MOGAT3: variants seen among roughly 807,000 people sequenced by gnomAD.
The protein encoded by MOGAT3 is monoacylglycerol O-acyltransferase 3, also known as 2-acylglycerol O-acyltransferase 3.
In MOGAT3, 39 loss-of-function variants were observed where a neutral mutation model predicts 34.4. The observed-to-expected ratio is 1.13, with a 90% CI of 0.88 to 1.48. The LOEUF is 1.48. Ranked by LOEUF, MOGAT3 falls within the 40% of genes most tolerant of loss-of-function variation. The pLI is 0.00. For missense variants in MOGAT3, 439 were observed against 438.9 expected (o/e 1.00, Z 0.00); for synonymous variants, 209 against 179.2 (o/e 1.17, Z -1.33).
chr7:101,200,455 A>C lies in MOGAT3; in HGVS notation c.170T>G (p.Val57Gly), dbSNP rs1304950075. Reference sequence around the variant, plus strand: ...CACATAGAGCCACACCAAGTAAAAAACAGAGAAGGGCCAGAGTGACGTGAA... The same window carrying C: ...CACATAGAGCCACACCAAGTAAAAACCAGAGAAGGGCCAGAGTGACGTGAA... ...LLFTSLWPFSVFYLVWLYVDW... is the reference protein window; with the variant it reads ...LLFTSLWPFSGFYLVWLYVDW... Residue 57 changes from valine to glycine, a missense_variant, in exon 2 of 7, where the codon GTT (valine) becomes GGT (glycine). Val to Gly is a moderately radical substitution (Grantham distance 109). Coordinates refer to ENST00000223114, the MANE Select transcript of MOGAT3 (RefSeq NM_178176.4). The C allele has an allele frequency of 1.2e-6, 2 of 1,610,916 alleles. No homozygotes were observed.
chr7:101,197,286 C>T (rs1797816983), intron 5 of MOGAT3, among the ~76,000 whole-genome samples: 1 of 152,148 alleles, frequency 6.6e-6, no homozygotes, highest in Admixed American at 6.5e-5. Flanking sequence ...CCGCTCAAGC[C>T]ATCCTCCCAC....
chr7:101,198,794 A>C lies in MOGAT3; in HGVS notation c.325T>G (p.Tyr109Asp). 6.2e-7 allele frequency: 1 copy of C among 1,613,998 alleles called. No homozygotes were observed. Among genetic ancestry groups the C allele is most frequent in the Non-Finnish European group, 8.5e-7 (1 of 1,179,990 alleles). Residue 109 changes from tyrosine (Y) to aspartate (D), a missense_variant, in exon 4 of 7, where the codon TAC becomes GAC. Tyr to Asp is a radical substitution (Grantham distance 160). Coordinates refer to ENST00000223114, the MANE Select transcript of MOGAT3 (RefSeq NM_178176.4). ...KTAELPPDRN[Y>D]VLGAHPHGIM... ...CCATGAGGGTGGGCGCCCAGCACGT[A>C]GTTCCGATCCGGGGGCAGCTCTGCT... is the stretch of plus-strand genomic sequence containing the variant.
chr7:101,198,066 G>A, intron 5 of MOGAT3, 125 bp downstream of exon 5: 2 of 1,047,266 alleles, frequency 1.9e-6, no homozygotes, highest in East Asian at 2.9e-5. Flanking sequence ...CGTGGGCCTC[G>A]GTGCAGGGCA....
In MOGAT3 at chr7:101,195,935, C is replaced by A. The variant is rs559362771; in HGVS notation, c.*11G>T. On this transcript the variant is annotated 3_prime_UTR_variant, in exon 7 of 7. Coordinates refer to ENST00000223114, the MANE Select transcript of MOGAT3 (RefSeq NM_178176.4). ...TGGGCTCAGGGGCTCAGCGAAAGGC[C>A]GCGGCCAGGCCTAGATGAAGGTGAG... The A allele has an allele frequency of 6.2e-7, 1 of 1,613,922 alleles. No individual in the cohort carries two copies.
downstream of MOGAT3, among the ~76,000 whole-genome samples, chr7:101,193,470 C>T (rs1453871811): frequency 1.3e-5 from 2 of 152,184 alleles, no homozygotes; most frequent in African/African-American, 4.8e-5. Flanking sequence ...TACTCTGTCG[C>T]CCAGGCTGGA....
chr7:101,194,345 G>A (rs559629080), downstream of MOGAT3, among the ~76,000 whole-genome samples: 28 of 151,862 alleles, frequency 1.8e-4, no homozygotes, highest in African/African-American at 6.3e-4. Flanking sequence ...GCACCACCAC[G>A]CCCAGCTAAT....
intron 3 of MOGAT3, 48 bp from the exon 4 acceptor site, chr7:101,198,878 G>A (rs764189456): frequency 1.3e-6 from 2 of 1,564,958 alleles, no homozygotes; most frequent in Non-Finnish European, 1.8e-6. Context: ...GCAAGACACC[G>A]GCTGAAAAGA....
Position 101,198,756 on chromosome 7 carries a change from T to G in MOGAT3, c.363A>C (p.Thr121=), listed in dbSNP as rs1472202905. 1 of 1,613,704 alleles carries G rather than the reference T, an allele frequency of 6.2e-7. No homozygotes were observed. The highest frequency in any genetic ancestry group is 1.7e-5 in the Admixed American group (1 of 59,970). The change falls in exon 4 of 7, where the codon ACA becomes ACC. Residue 121 remains threonine, a synonymous_variant. Transcript: ENST00000223114. ...LGAHPHGIMC[T]GFLCNFSTES... is the part of the protein sequence containing the mutation. ...CGGTGGAGAAATTACAGAGGAAGCC[T>G]GTACACATGATCCCATGAGGGTGGG...
Position 101,195,808 on chromosome 7 carries a change from C to G in MOGAT3, c.*138G>C. The G allele has an allele frequency of 1.1e-6, 1 of 945,218 alleles. No individual in the cohort carries two copies. The highest frequency in any genetic ancestry group is 1.6e-5 in the South Asian group (1 of 63,298). The allele number at this position is 945,218 out of a possible 1,614,324, so 58.6% of individuals were successfully genotyped here. ...GCTCAAACGATCCTCCCACCTTGGCCTCCCAAAGTGCTGGGATTACAGGCA... is the reference window on the plus strand; with the variant it reads ...GCTCAAACGATCCTCCCACCTTGGCGTCCCAAAGTGCTGGGATTACAGGCA... On this transcript the variant is annotated 3_prime_UTR_variant, in exon 7 of 7. Transcript: ENST00000223114.
chr7:101,196,453 C>G (rs1023483468), intron 5 of MOGAT3, 64 bp from the exon 6 acceptor site: 13 of 1,236,078 alleles, frequency 1.1e-5, no homozygotes, highest in Non-Finnish European at 1.5e-5. Flanking sequence ...TGGGCACCCC[C>G]AGGGGCTACA....
chr7:101,194,498 C>CTTTTT (rs34849826), downstream of MOGAT3, among the ~76,000 whole-genome samples: 7 of 95,518 alleles, frequency 7.3e-5, no homozygotes, highest in South Asian at 3.6e-4. Context: ...AGGACATAAG[C>CTTTTT]TTTTTTTTTT....
chr7:101,198,546 TGGG>T, intron 4 of MOGAT3, 77 bp downstream of exon 4: 5 of 1,204,112 alleles, frequency 4.2e-6, no homozygotes, highest in South Asian at 1.4e-5. Context: ...GGACTTATTA[TGGG>T]GGGGGGTGGT....
chr7:101,197,176 A>G (rs1181412553), intron 5 of MOGAT3, among the ~76,000 whole-genome samples: 1 of 152,006 alleles, frequency 6.6e-6, no homozygotes, highest in Non-Finnish European at 1.5e-5. Flanking sequence ...ATTTTAAAAA[A>G]TAAATAATTT....
At position 101,195,889 on chromosome 7, in the gene MOGAT3, T is replaced by C; in HGVS notation, c.*57A>G. The C allele has an allele frequency of 6.4e-7, 1 of 1,564,912 alleles. No individual in the cohort carries two copies. Among genetic ancestry groups the C allele is most frequent in the Non-Finnish European group, 8.8e-7 (1 of 1,137,466 alleles). Reference sequence around the variant, plus strand: ...TTTATTGGAGGCATGGAGTCCACAGTGGGTGGAGGTCTCAGTGCCTTGGGC... The same window carrying C: ...TTTATTGGAGGCATGGAGTCCACAGCGGGTGGAGGTCTCAGTGCCTTGGGC... On this transcript the variant is annotated 3_prime_UTR_variant, in exon 7 of 7. Coordinates refer to ENST00000223114, the MANE Select transcript of MOGAT3 (RefSeq NM_178176.4).
At chr7:101,197,129 G>C (rs1204192335) in intron 5 of MOGAT3, among the ~76,000 whole-genome samples, 1 of 152,096 alleles carries the variant, frequency 6.6e-6, no homozygotes, top group Admixed American at 6.6e-5. Flanking sequence ...CTGGGTGACA[G>C]AGCAAGACTC....
chr7:101,199,210 A>T (rs968253999), intron 3 of MOGAT3, among the ~76,000 whole-genome samples: 17 of 151,522 alleles, frequency 1.1e-4, no homozygotes, highest in African/African-American at 4.1e-4. Flanking sequence ...GTTTCACCAT[A>T]TTGGCCAGGT....
chr7:101,196,011 G>C lies in MOGAT3; in HGVS notation c.961C>G (p.Gln321Glu). 1 of 1,614,156 alleles carries C rather than the reference G, an allele frequency of 6.2e-7. No homozygotes were observed. The highest frequency in any genetic ancestry group is 2.2e-5 in the East Asian group (1 of 44,876). ...YHALYMTALE[Q>E]LFEEHKESCG... ...CTTTCCTTGTGCTCCTCGAAGAGCT[G>C]CTCCAGGGCCGTCATGTAGAGGGCG... Residue 321 changes from glutamine (Q) to glutamate (E), a missense_variant, in exon 7 of 7, where the codon CAG becomes GAG. By Grantham distance (29) the Gln-to-Glu change is conservative. Coordinates refer to ENST00000223114, the MANE Select transcript of MOGAT3 (RefSeq NM_178176.4).
At position 101,198,294 on chromosome 7, in the gene MOGAT3, T is replaced by A. The variant is rs1299309217; in HGVS notation, c.565A>T (p.Ile189Phe). ...SQPQLGQAVV[I>F]MVGGAHEALY... ...GCCTCGTGCGCACCCCCCACCATGA[T>A]GACCACGGCCTGCCCGAGCTGGGGC... The change falls in exon 5 of 7, where the codon ATC becomes TTC. Residue 189 changes from isoleucine (I) to phenylalanine (F), a missense_variant. Transcript: ENST00000223114. The A allele has an allele frequency of 1.9e-6, 3 of 1,605,186 alleles. No individual in the cohort carries two copies. The highest frequency in any genetic ancestry group is 2.6e-6 in the Non-Finnish European group (3 of 1,175,226).
intron 5 of MOGAT3, among the ~76,000 whole-genome samples, chr7:101,197,224 C>T (rs1797815315): frequency 6.6e-6 from 1 of 152,052 alleles, no homozygotes; most frequent in Non-Finnish European, 1.5e-5. Context: ...GCTCTCTTGC[C>T]CAGGCTGGAG....
Sources: allele counts gnomAD v4.1 joint callset (sites outside exome capture counted in the v4.1 genomes callset), GRCh38; gene constraint gnomAD v4.1.1; transcripts MANE v1.5; gene names NCBI Gene and HGNC (gene_info 2026-07-23, HGNC 2026-07-21).